TULP4: variants seen among roughly 807,000 people sequenced by gnomAD.
TULP4 encodes the protein tubby-related protein 4.
TULP4 carries 16 observed loss-of-function variants against 129.0 expected under a neutral mutation model. The ratio of observed to expected loss-of-function variants is 0.12; its 90% CI spans 0.08 to 0.19. The LOEUF (loss-of-function observed/expected upper bound fraction) is 0.19, where lower values mean the gene tolerates loss of function less well. Among genes scored for constraint, TULP4 ranks in the 10% least tolerant of loss-of-function variants. TULP4 has a pLI of 1.00. For missense variants in TULP4, 1,842 were observed against 2,059.1 expected, an observed-to-expected ratio of 0.89 and a Z score of 2.04; for synonymous variants, 998 against 854.0, an observed-to-expected ratio of 1.17 and a Z score of -2.94.
intron 1 of TULP4, among the ~76,000 whole-genome samples, chr6:158,334,038 G>A (rs572362547): frequency 6.6e-6 from 1 of 152,250 alleles, no homozygotes; most frequent in South Asian, 2.1e-4. Context: ...TTAAAATATT[G>A]TGTGATGCTT....
intron 1 of TULP4, among the ~76,000 whole-genome samples, chr6:158,267,971 A>AT (rs1233313562): frequency 4.4e-5 from 6 of 136,340 alleles, no homozygotes; most frequent in East Asian, 2.1e-4. Flanking sequence ...GGTTTTTAAA[A>AT]TTTTTTTTTG....
chr6:158,384,286 T>A (rs146687010), intron 1 of TULP4, among the ~76,000 whole-genome samples: 16 of 107,270 alleles, frequency 1.5e-4, no homozygotes, highest in Non-Finnish European at 3.2e-4. Context: ...CATGCCTGTT[T>A]AGCTTTTTTT....
intron 6 of TULP4, among the ~76,000 whole-genome samples, chr6:158,478,750 C>T (rs988313444): frequency 2.0e-5 from 3 of 152,198 alleles, no homozygotes; most frequent in Admixed American, 6.5e-5. Flanking sequence ...TTCTCCGTCA[C>T]GACCCTTCAC....
At chr6:158,429,945 GC>G in intron 3 of TULP4, 48 bp downstream of exon 3, 1 of 1,558,830 alleles carries the variant, frequency 6.4e-7, no homozygotes, top group Non-Finnish European at 8.7e-7. Context: ...AACCATGAGG[GC>G]TGGGAGGGAA....
rs1780622424 is a variant in TULP4 at position 158,507,083 on chromosome 6, C to A, written c.*389C>A. The A allele has an allele frequency of 5.7e-6, 1 of 176,198 alleles. No homozygotes were observed. Among genetic ancestry groups the A allele is most frequent in the Non-Finnish European group, 1.2e-5 (1 of 81,942 alleles). The allele number at this position is 176,198 out of a possible 1,614,324, so 10.9% of individuals were successfully genotyped here. ...TGCATTATCCTGTATTCTCCTCCAA[C>A]ATCACCACTAGCGTAAAAGCAAAAA... is the stretch of plus-strand genomic sequence containing the variant. On this transcript the variant is annotated 3_prime_UTR_variant, in exon 14 of 14. Transcript: ENST00000367097.
intron 2 of TULP4, among the ~76,000 whole-genome samples, chr6:158,426,094 T>G (rs866511099): frequency 1.4e-4 from 21 of 152,338 alleles, no homozygotes; most frequent in Non-Finnish European, 1.6e-4. Context: ...GTAAATTCGT[T>G]TAAGTATCCT....
At chr6:158,372,283 C>CTATG (rs1388565844) in intron 1 of TULP4, among the ~76,000 whole-genome samples, 2 of 150,862 alleles carry the variant, frequency 1.3e-5, no homozygotes, top group African/African-American at 4.9e-5. Context: ...AGAGGACAGT[C>CTATG]TATGACTGCA....
intron 1 of TULP4, among the ~76,000 whole-genome samples, chr6:158,318,284 A>T (rs981745255): frequency 1.3e-5 from 2 of 152,080 alleles, no homozygotes; most frequent in African/African-American, 4.8e-5. Flanking sequence ...ACATAGTGAG[A>T]CCCTGCCTCT....
chr6:158,320,128 G>A (rs1404020213), intron 1 of TULP4, among the ~76,000 whole-genome samples: 1 of 152,168 alleles, frequency 6.6e-6, no homozygotes, highest in Non-Finnish European at 1.5e-5. Flanking sequence ...GAATAGATGT[G>A]TGCTTACCTA....
chr6:158,419,210 C>T (rs1227631235), intron 2 of TULP4, among the ~76,000 whole-genome samples: 1 of 152,180 alleles, frequency 6.6e-6, no homozygotes, highest in African/African-American at 2.4e-5. Flanking sequence ...ATGATAGAGA[C>T]ATTGCTGATA....
At chr6:158,394,016 A>G (rs780245976) in intron 1 of TULP4, among the ~76,000 whole-genome samples, 3 of 152,162 alleles carry the variant, frequency 2.0e-5, no homozygotes, top group African/African-American at 4.8e-5. Flanking sequence ...TTTTCAGACC[A>G]TCTTTTTATG....
chr6:158,392,806 T>TTTTTTTTTTTTTTTTTTTTTTG (rs1777618169), intron 1 of TULP4, among the ~76,000 whole-genome samples: 1 of 111,388 alleles, frequency 9.0e-6, no homozygotes, highest in Non-Finnish European at 1.9e-5. Flanking sequence ...TTTTTTTTTT[T>TTTTTTTTTTTTTTTTTTTTTTG]TTTTTTTTTT....
In TULP4 at chr6:158,427,471, C is replaced by CTTTTTTTTTTTTTTTTT. The variant is rs557678837; in HGVS notation, c.382-2240_382-2224dup. On this transcript the variant is annotated intron_variant, in intron 2 of 13. Transcript: ENST00000367097. ...AAATTCCTTTTCAAAATTATCAGAC[C>CTTTTTTTTTTTTTTTTT]TTTTTTTTTTTTTTTTTTTTTTTTT... is the stretch of plus-strand genomic sequence containing the variant. 5.3e-4 allele frequency among the ~76,000 whole-genome samples: 39 copies of CTTTTTTTTTTTTTTTTT among 74,134 alleles called. 8 individuals are homozygous for CTTTTTTTTTTTTTTTTT. Among genetic ancestry groups the CTTTTTTTTTTTTTTTTT allele is most frequent in the East Asian group, 8.4e-4 (2 of 2,376 alleles). 48.6% of individuals were successfully genotyped at this position (74,134 alleles called of 152,430 possible).
intron 1 of TULP4, among the ~76,000 whole-genome samples, chr6:158,328,875 G>A (rs1583753208): frequency 6.6e-6 from 1 of 152,164 alleles, no homozygotes; most frequent in African/African-American, 2.4e-5. Flanking sequence ...CAACAGCGAG[G>A]GTTTTAGTCA....
At chr6:158,312,197 A>G (rs1477310537), upstream of TULP4, 5 of 398,292 alleles carry the variant, frequency 1.3e-5, no homozygotes, top group African/African-American at 4.1e-5. Context: ...TTCACACGGG[A>G]AGACAGGCTC....
chr6:158,433,939 C>T (rs1030656822), intron 3 of TULP4, among the ~76,000 whole-genome samples: 1 of 138,318 alleles, frequency 7.2e-6, no homozygotes, highest in Non-Finnish European at 1.7e-5. Flanking sequence ...AAGTGTATTT[C>T]TCACAGTTCT....
intron 1 of TULP4, among the ~76,000 whole-genome samples, chr6:158,372,576 G>A (rs827990): frequency 0.49 from 74,073 of 152,020 alleles, 18,745 homozygotes; most frequent in African/African-American, 0.62. Context: ...GAAAGGCCCC[G>A]GAGTGTTTCA....
chr6:158,509,524 C>T lies in TULP4; in HGVS notation c.*2830C>T, dbSNP rs927311420. ...CATTTTAGAACCTGTTTAATAAGAGCAAATATAGGGGAAAATCTTTGAAAT... is the reference window on the plus strand; with the variant it reads ...CATTTTAGAACCTGTTTAATAAGAGTAAATATAGGGGAAAATCTTTGAAAT... On this transcript the variant is annotated 3_prime_UTR_variant, in exon 14 of 14. Coordinates refer to ENST00000367097, the MANE Select transcript of TULP4 (RefSeq NM_020245.5). 1.3e-5 allele frequency: 2 copies of T among 151,978 alleles called. No individual in the cohort carries two copies. Among genetic ancestry groups the T allele is most frequent in the African/African-American group, 4.8e-5 (2 of 41,332 alleles). 9.4% of individuals were successfully genotyped at this position (151,978 alleles called of 1,614,324 possible).
upstream of TULP4, among the ~76,000 whole-genome samples, chr6:158,308,955 C>A (rs1306555821): frequency 2.9e-5 from 4 of 138,926 alleles, no homozygotes; most frequent in Non-Finnish European, 6.4e-5. Flanking sequence ...ACCTCCCTCC[C>A]GGACGGGGCG....
Sources: gnomAD v4.1 joint callset for allele counts (sites outside exome capture counted in the v4.1 genomes callset) on GRCh38, gnomAD v4.1.1 for gene constraint, MANE v1.5 for transcripts, NCBI Gene and HGNC (gene_info 2026-07-23, HGNC 2026-07-21) for gene names.